Variants in PPP3CC observed in about 807,000 individuals in gnomAD.
PPP3CC encodes serine/threonine-protein phosphatase 2B catalytic subunit gamma isoform.
Under a neutral mutation model 60.3 loss-of-function variants are expected in PPP3CC, and 35 were observed. That is an observed-to-expected ratio of 0.58 (90% confidence interval 0.44 to 0.77). The LOEUF is 0.77. PPP3CC is among the 30% of genes least tolerant of loss of function. PPP3CC has a pLI of 0.00. For synonymous variants in PPP3CC, 206 were observed against 224.3 expected, an observed-to-expected ratio of 0.92 and a Z score of 0.73; for missense variants, 570 against 628.9, an observed-to-expected ratio of 0.91 and a Z score of 1.00.
At chr8:22,480,140 A>G (rs867649703) in intron 3 of PPP3CC, among the ~76,000 whole-genome samples, 1 of 152,234 alleles carries the variant, frequency 6.6e-6, no homozygotes, top group South Asian at 2.1e-4. Flanking sequence ...GTGGATGACA[A>G]AAGCTTAGAA....
At chr8:22,533,092 G>T in intron 12 of PPP3CC, 74 bp downstream of exon 12, 1 of 1,160,020 alleles carries the variant, frequency 8.6e-7, no homozygotes, top group Non-Finnish European at 1.2e-6. Flanking sequence ...TACAAATGGG[G>T]GCTTTCCTCA....
intron 1 of PPP3CC, among the ~76,000 whole-genome samples, chr8:22,456,768 G>T (rs1276648273): frequency 1.3e-5 from 2 of 152,166 alleles, no homozygotes; most frequent in Non-Finnish European, 2.9e-5. Flanking sequence ...TTCTCCACGG[G>T]AAACTCAGTT....
intron 10 of PPP3CC, among the ~76,000 whole-genome samples, chr8:22,529,128 A>C (rs189706057): frequency 2.4e-4 from 36 of 152,250 alleles, no homozygotes; most frequent in African/African-American, 7.9e-4. Context: ...CAGTAAATAA[A>C]TATGTCAGAT....
At position 22,532,101 on chromosome 8, in the gene PPP3CC, T is replaced by G. The variant is rs527349780; in HGVS notation, c.1142-124T>G. On this transcript the variant is annotated intron_variant, in intron 10 of 13. Transcript: ENST00000240139. Reference sequence around the variant, plus strand: ...AGATTTTTGTTTGTTTAAACAAACTTAAGCCTTCATTTCTGTTTTTTAAAA... The same window carrying G: ...AGATTTTTGTTTGTTTAAACAAACTGAAGCCTTCATTTCTGTTTTTTAAAA... 3.2e-5 allele frequency: 20 copies of G among 630,404 alleles called. No homozygotes were observed. In the African/African-American group the frequency reaches 3.6e-4, roughly 11 times the overall value. The allele number at this position is 630,404 out of a possible 1,614,324, so 39.1% of individuals were successfully genotyped here. A position where few individuals can be genotyped will look rare whatever the true frequency, so the allele number is the denominator to read the frequency against.
At chr8:22,447,304 T>C (rs1307854796) in intron 1 of PPP3CC, among the ~76,000 whole-genome samples, 2 of 150,844 alleles carry the variant, frequency 1.3e-5, no homozygotes, top group Admixed American at 6.6e-5. Flanking sequence ...CTCAGCCTCC[T>C]GAGTAGCTGG....
intron 12 of PPP3CC, among the ~76,000 whole-genome samples, chr8:22,537,218 C>T (rs533328693): frequency 9.2e-5 from 14 of 152,130 alleles, no homozygotes; most frequent in Non-Finnish European, 2.1e-4. Flanking sequence ...ACTCTTACAA[C>T]TGAATAAGAA....
intron 3 of PPP3CC, among the ~76,000 whole-genome samples, chr8:22,495,799 T>G (rs1398760748): frequency 6.6e-6 from 1 of 152,184 alleles, no homozygotes; most frequent in Non-Finnish European, 1.5e-5. Context: ...CTTCAGGTGA[T>G]CTGCCTGCCT....
At chr8:22,512,292 T>C (rs1839109508) in intron 5 of PPP3CC, among the ~76,000 whole-genome samples, 1 of 152,238 alleles carries the variant, frequency 6.6e-6, no homozygotes, top group Non-Finnish European at 1.5e-5. Context: ...GTAACCAGCA[T>C]TTCTCTTTTA....
intron 12 of PPP3CC, among the ~76,000 whole-genome samples, chr8:22,534,196 CA>C (rs35668611): frequency 7.7e-4 from 88 of 114,912 alleles, no homozygotes; most frequent in East Asian, 3.4e-3. Flanking sequence ...AAGACTGTTT[CA>C]AAAAAAAAAA....
intron 6 of PPP3CC, among the ~76,000 whole-genome samples, chr8:22,516,715 A>G (rs1435586656): frequency 6.6e-6 from 1 of 152,130 alleles, no homozygotes; most frequent in South Asian, 2.1e-4. Context: ...TTTGAGTTTT[A>G]TTTAGTGAAA....
chr8:22,493,421 T>C (rs1458946301), intron 3 of PPP3CC, among the ~76,000 whole-genome samples: 4 of 152,118 alleles, frequency 2.6e-5, no homozygotes. Flanking sequence ...TTTGACTCTT[T>C]TGTAATACCA....
chr8:22,501,012 G>C (rs558817172), intron 4 of PPP3CC, among the ~76,000 whole-genome samples: 1 of 152,148 alleles, frequency 6.6e-6, no homozygotes, highest in East Asian at 1.9e-4. Context: ...CAAAAAATTA[G>C]CTGTGCATAG....
chr8:22,536,820 G>T (rs1839854035), intron 12 of PPP3CC, among the ~76,000 whole-genome samples: 1 of 152,184 alleles, frequency 6.6e-6, no homozygotes, highest in African/African-American at 2.4e-5. Context: ...TCAACCAACA[G>T]TATCCCATAT....
rs1413899961 is a variant in PPP3CC at position 22,532,913 on chromosome 8, C to G, written c.1224-8C>G. On this transcript the variant is annotated splice_polypyrimidine_tract_variant and splice_region_variant and intron_variant, in intron 11 of 13. Coordinates refer to ENST00000240139, the MANE Select transcript of PPP3CC (RefSeq NM_005605.5). ...GGCATTAACCCAGGGTTTGGTCTCC[C>G]TTTGCAGGCAAGAAAGTGAGAGTGT... The G allele has an allele frequency of 2.6e-6, 4 of 1,568,584 alleles. 1 individual carries two copies. The Middle Eastern group carries it at 5.1e-4, about 199-fold the overall frequency.
intron 8 of PPP3CC, among the ~76,000 whole-genome samples, chr8:22,525,969 G>A (rs555836800): frequency 8.6e-5 from 13 of 151,548 alleles, no homozygotes; most frequent in African/African-American, 3.1e-4. Flanking sequence ...CCGGGTTCAA[G>A]CAATTCTCCC....
At position 22,513,881 on chromosome 8, in the gene PPP3CC, C is replaced by T. The variant is rs1191250644; in HGVS notation, c.770+449C>T. 2.0e-5 allele frequency among the ~76,000 whole-genome samples: 3 copies of T among 152,132 alleles called. No individual in the cohort carries two copies. The East Asian group carries it at 5.8e-4, about 29-fold the overall frequency. On this transcript the variant is annotated intron_variant, in intron 6 of 13. Coordinates refer to ENST00000240139, the MANE Select transcript of PPP3CC (RefSeq NM_005605.5). ...AGAACAGGACATTGTGAACTAAGCCCAGTACATTTCCTGGAAGTTGGCTGT... is the reference window on the plus strand; with the variant it reads ...AGAACAGGACATTGTGAACTAAGCCTAGTACATTTCCTGGAAGTTGGCTGT...
At chr8:22,457,775 C>T (rs1476058621) in intron 1 of PPP3CC, among the ~76,000 whole-genome samples, 6 of 152,230 alleles carry the variant, frequency 3.9e-5, no homozygotes, top group Non-Finnish European at 8.8e-5. Flanking sequence ...TATGATTCTT[C>T]AAGGTAGAAT....
chr8:22,537,296 C>T (rs1264246755), intron 12 of PPP3CC, among the ~76,000 whole-genome samples: 3 of 152,110 alleles, frequency 2.0e-5, no homozygotes, highest in Non-Finnish European at 4.4e-5. Context: ...ACAAATGGCA[C>T]ATGAAATGAT....
chr8:22,539,509 A>G lies in PPP3CC; in HGVS notation c.1351+11A>G. ...TAGAGGCCCGGGAAGGTATGGCCAT[A>G]TTACTCTGATAGATGTGATCCATGT... is the stretch of plus-strand genomic sequence containing the variant. On this transcript the variant is annotated intron_variant, in intron 13 of 13. Transcript: ENST00000240139. 4 of 1,613,312 alleles carry G rather than the reference A, an allele frequency of 2.5e-6. No homozygotes were observed. Among genetic ancestry groups the G allele is most frequent in the Non-Finnish European group, 3.4e-6 (4 of 1,179,560 alleles).
Sources: allele counts gnomAD v4.1 joint callset (sites outside exome capture counted in the v4.1 genomes callset), GRCh38; gene constraint gnomAD v4.1.1; transcripts MANE v1.5; gene names NCBI Gene and HGNC (gene_info 2026-07-23, HGNC 2026-07-21).